Variants in SLC41A2 observed in about 807,000 individuals in gnomAD.
SLC41A2 encodes SLC41A1-like 1.
SLC41A2 carries 32 observed loss-of-function variants against 58.3 expected under a neutral mutation model. The observed-to-expected ratio is 0.55, with a 90% CI of 0.41 to 0.74. The LOEUF (loss-of-function observed/expected upper bound fraction) is 0.74. Ranked by LOEUF, SLC41A2 falls within the 30% of genes least tolerant of loss-of-function variation. The pLI, the probability that SLC41A2 is intolerant of heterozygous loss-of-function variation, is 0.00. For missense variants in SLC41A2, 514 were observed against 680.6 expected, an observed-to-expected ratio of 0.76 and a Z score of 2.72; for synonymous variants, 190 against 235.0, an observed-to-expected ratio of 0.81 and a Z score of 1.75.
chr12:104,914,486 C>CAT (rs2046225333), intron 2 of SLC41A2, among the ~76,000 whole-genome samples: 1 of 152,146 alleles, frequency 6.6e-6, no homozygotes, highest in South Asian at 2.1e-4. Flanking sequence ...CTGCAAAAGA[C>CAT]ATACCATCCA....
At chr12:104,812,593 T>C (rs936064182) in intron 10 of SLC41A2, among the ~76,000 whole-genome samples, 10 of 152,000 alleles carry the variant, frequency 6.6e-5, no homozygotes, top group Non-Finnish European at 1.3e-4. Context: ...TTTGGAACTA[T>C]CTAGAAAATG....
intron 10 of SLC41A2, 43 bp downstream of exon 10, chr12:104,844,429 C>G: frequency 7.8e-7 from 1 of 1,278,562 alleles, no homozygotes; most frequent in South Asian, 2.6e-5. Flanking sequence ...ACTTTTACAG[C>G]AGTCTCAGCA....
intron 2 of SLC41A2, among the ~76,000 whole-genome samples, chr12:104,911,741 C>G (rs1425229967): frequency 6.6e-6 from 1 of 152,136 alleles, no homozygotes; most frequent in African/African-American, 2.4e-5. Context: ...TCTGTAAAAT[C>G]CTGGTTCAAA....
intron 1 of SLC41A2, among the ~76,000 whole-genome samples, chr12:104,953,171 A>G (rs1361673521): frequency 1.3e-5 from 2 of 152,224 alleles, no homozygotes; most frequent in African/African-American, 4.8e-5. Context: ...TGAATAATCT[A>G]TATATTTAAC....
At chr12:104,860,683 C>T (rs1212335568) in intron 8 of SLC41A2, among the ~76,000 whole-genome samples, 1 of 152,044 alleles carries the variant, frequency 6.6e-6, no homozygotes, top group Non-Finnish European at 1.5e-5. Context: ...AGGCAATCCT[C>T]CTGCCTCAGC....
At position 104,805,503 on chromosome 12, in the gene SLC41A2, A is replaced by G. The variant is rs1012065522; in HGVS notation, c.1537-166T>C. Among the ~76,000 whole-genome samples, 8 of 152,346 alleles carry G rather than the reference A, an allele frequency of 5.3e-5. 1 individual carries two copies. The highest frequency in any genetic ancestry group is 1.3e-4 in the Admixed American group (2 of 15,290). ...TAGATGACAAGAATACTTTCATTTC[A>G]CAAGAAAAAAAACAGCATGTATGTT... On this transcript the variant is annotated intron_variant, in intron 10 of 10. Coordinates refer to ENST00000258538, the MANE Select transcript of SLC41A2 (RefSeq NM_001352171.3).
At chr12:104,813,615 C>T (rs2041268804) in intron 10 of SLC41A2, among the ~76,000 whole-genome samples, 1 of 152,018 alleles carries the variant, frequency 6.6e-6, no homozygotes, top group Admixed American at 6.6e-5. Context: ...ATGTATATAT[C>T]CATATAAATA....
chr12:104,901,393 T>C lies in SLC41A2; in HGVS notation c.664-6048A>G, dbSNP rs888054915. On this transcript the variant is annotated intron_variant, in intron 3 of 10. Coordinates refer to ENST00000258538, the MANE Select transcript of SLC41A2 (RefSeq NM_001352171.3). ...ATATCTACTATAATTTCATATATAC[T>C]ATTGAAAAGATTAAAATCCAGGAAA... Among the ~76,000 whole-genome samples the C allele has an allele frequency of 4.6e-5, 7 of 152,132 alleles. 1 individual carries two copies. Among genetic ancestry groups the C allele is most frequent in the Admixed American group, 1.3e-4 (2 of 15,286 alleles).
chr12:104,884,173 G>A (rs1370309742), intron 6 of SLC41A2, among the ~76,000 whole-genome samples: 1 of 152,230 alleles, frequency 6.6e-6, no homozygotes, highest in Non-Finnish European at 1.5e-5. Flanking sequence ...ATCTCCTGGT[G>A]TGCTGTTTGC....
chr12:104,877,346 T>C (rs2044100138), intron 6 of SLC41A2, among the ~76,000 whole-genome samples: 1 of 152,116 alleles, frequency 6.6e-6, no homozygotes, highest in Non-Finnish European at 1.5e-5. Context: ...CACAGACACT[T>C]TAGAAATACC....
At chr12:104,884,457 A>G (rs564810082) in intron 6 of SLC41A2, among the ~76,000 whole-genome samples, 2 of 152,180 alleles carry the variant, frequency 1.3e-5, no homozygotes, top group African/African-American at 4.8e-5. Flanking sequence ...AGCTATTCAT[A>G]TTTGGCCATC....
At chr12:104,892,022 G>T (rs572731506) in intron 4 of SLC41A2, among the ~76,000 whole-genome samples, 1 of 151,880 alleles carries the variant, frequency 6.6e-6, no homozygotes, top group South Asian at 2.1e-4. Context: ...AAAACAGGCC[G>T]GGAGCAGTGG....
chr12:104,850,666 C>T (rs2042765751), intron 8 of SLC41A2, among the ~76,000 whole-genome samples: 2 of 152,130 alleles, frequency 1.3e-5, no homozygotes, highest in Admixed American at 1.3e-4. Flanking sequence ...GCAATTTAAA[C>T]ATTATTGTTT....
At chr12:104,933,806 A>T (rs978195035) in intron 1 of SLC41A2, among the ~76,000 whole-genome samples, 2 of 152,116 alleles carry the variant, frequency 1.3e-5, no homozygotes, top group African/African-American at 2.4e-5. Context: ...ATTCTAAGTG[A>T]CGTAACTCAG....
intron 2 of SLC41A2, among the ~76,000 whole-genome samples, chr12:104,911,299 G>C (rs761516761): frequency 9.2e-5 from 14 of 152,116 alleles, no homozygotes; most frequent in Non-Finnish European, 2.1e-4. Context: ...CATACCTCCT[G>C]AGGCTGTATC....
chr12:104,819,899 T>C (rs902372831), intron 10 of SLC41A2, among the ~76,000 whole-genome samples: 1 of 152,260 alleles, frequency 6.6e-6, no homozygotes, highest in African/African-American at 2.4e-5. Flanking sequence ...AAGAGCTGAC[T>C]GGATTCTGCA....
chr12:104,821,369 G>A lies in SLC41A2; in HGVS notation c.1537-16032C>T, dbSNP rs374485759. Among the ~76,000 whole-genome samples the A allele has an allele frequency of 5.7e-4, 86 of 151,994 alleles. 1 individual carries two copies. Among genetic ancestry groups the A allele is most frequent in the African/African-American group, 2.0e-3 (81 of 41,438 alleles). On this transcript the variant is annotated intron_variant, in intron 10 of 10. Coordinates refer to ENST00000258538, the MANE Select transcript of SLC41A2 (RefSeq NM_001352171.3). ...TTTACAAAATAAACTCTTATAATAC[G>A]TTCCAGGAGACCTACATGATAACAT...
At position 104,805,319 on chromosome 12, in the gene SLC41A2, T is replaced by C. The variant is rs2040853134; in HGVS notation, c.1555A>G (p.Ile519Val). 1 of 1,613,352 alleles carries C rather than the reference T, an allele frequency of 6.2e-7. No homozygotes were observed. The highest frequency in any genetic ancestry group is 8.5e-7 in the Non-Finnish European group (1 of 1,179,696). ...AAGTGATGGACCATCCAGTCAGCAATCCACAGCAAGGTAAATACCTAGAAG... is the reference window on the plus strand; with the variant it reads ...AAGTGATGGACCATCCAGTCAGCAACCCACAGCAAGGTAAATACCTAGAAG... Reference protein sequence around the residue: ...AVLQVFTLLWIADWMVHHFWR... With the variant: ...AVLQVFTLLWVADWMVHHFWR... Residue 519 changes from isoleucine (I) to valine (V), a missense_variant, in exon 11 of 11, where the codon ATT becomes GTT. Coordinates refer to ENST00000258538, the MANE Select transcript of SLC41A2 (RefSeq NM_001352171.3).
At chr12:104,942,416 T>G (rs897966984) in intron 1 of SLC41A2, among the ~76,000 whole-genome samples, 1 of 150,862 alleles carries the variant, frequency 6.6e-6, no homozygotes, top group Non-Finnish European at 1.5e-5. Flanking sequence ...AAGTCGAAGC[T>G]GTAGTAAGCC....
Sources: gnomAD v4.1 joint callset for allele counts (sites outside exome capture counted in the v4.1 genomes callset) on GRCh38, gnomAD v4.1.1 for gene constraint, MANE v1.5 for transcripts, NCBI Gene and HGNC (gene_info 2026-07-23, HGNC 2026-07-21) for gene names.